Variants in IAH1 observed in about 807,000 individuals in gnomAD.
The protein encoded by IAH1 is isoamyl acetate-hydrolyzing esterase 1 homolog.
IAH1 carries 24 observed loss-of-function variants against 26.7 expected under a neutral mutation model. That is an observed-to-expected ratio of 0.90 (90% confidence interval 0.65 to 1.26). The LOEUF is 1.26. IAH1 is among the 50% of genes most tolerant of loss of function. The pLI, the probability that IAH1 is intolerant of heterozygous loss-of-function variation, is 0.00. For synonymous variants in IAH1, 140 were observed against 118.5 expected, an observed-to-expected ratio of 1.18 and a Z score of -1.18; for missense variants, 300 against 299.9, an observed-to-expected ratio of 1.00 and a Z score of 0.00.
intron 4 of IAH1, among the ~76,000 whole-genome samples, chr2:9,483,108 T>C (rs1000161658): frequency 1.3e-5 from 2 of 152,240 alleles, no homozygotes; most frequent in Non-Finnish European, 2.9e-5. Context: ...GAAAATAATA[T>C]ATATGAAATT....
At chr2:9,475,649 C>T (rs1389512659) in intron 1 of IAH1, 2 of 326,914 alleles carry the variant, frequency 6.1e-6, no homozygotes, top group South Asian at 3.1e-5. Context: ...TATAGACGTG[C>T]GCCACCACAC....
chr2:9,512,293 GT>G, the IAH1 span: 41 of 151,856 alleles, frequency 2.7e-4, no homozygotes, highest in African/African-American at 9.2e-4. Context: ...ATCAAATTTT[GT>G]TTTTTTGCTG....
At chr2:9,474,538 G>GGCCGC (rs1558471909), upstream of IAH1, 2 of 1,293,686 alleles carry the variant, frequency 1.5e-6, no homozygotes, top group African/African-American at 3.2e-5. The surrounding 1 kb of genome is among the most constrained non-coding windows in gnomAD (Gnocchi z 4.3). Flanking sequence ...CGTGGCTGGC[G>GGCCGC]GCCCCGCCCC....
At chr2:9,504,390 C>T in the IAH1 span, among the ~76,000 whole-genome samples, 10 of 148,256 alleles carry the variant, frequency 6.7e-5, no homozygotes, top group African/African-American at 2.5e-4. Context: ...GATTGCAGTG[C>T]GCTGAGATCG....
At chr2:9,490,405 T>G, downstream of IAH1, 1 of 1,614,154 alleles carries the variant, frequency 6.2e-7, no homozygotes, top group South Asian at 1.1e-5. Flanking sequence ...TTGGAGCTGC[T>G]GGCGCCGAAG....
In IAH1 at chr2:9,488,212, G is replaced by T; in HGVS notation, c.630G>T (p.Ser210=). Residue 210 remains serine (S), a synonymous_variant, in exon 6 of 6, where the codon TCG becomes TCT. Coordinates refer to ENST00000497473, the MANE Select transcript of IAH1 (RefSeq NM_001039613.3). ...CAAAGGGGAATGAATTTTTGTTCTC[G>T]CATCTCTGGCCTTTGATAGAGAAAA... is the stretch of plus-strand genomic sequence containing the variant. ...LSPKGNEFLF[S]HLWPLIEKKV... 1 of 1,613,140 alleles carries T rather than the reference G, an allele frequency of 6.2e-7. No individual in the cohort carries two copies.
chr2:9,474,540 C>T (rs746995527), upstream of IAH1: 1 of 1,377,058 alleles, frequency 7.3e-7, no homozygotes, highest in Non-Finnish European at 9.5e-7. This position sits in a 1 kb window ranked among gnomAD's most constrained non-coding sequence, Gnocchi z 4.3. Context: ...TGGCTGGCGG[C>T]CCCGCCCCGC....
At position 9,474,851 on chromosome 2, in the gene IAH1, C is replaced by G; in HGVS notation, c.81+204C>G. The G allele has an allele frequency of 2.0e-6, 1 of 512,606 alleles. No homozygotes were observed. Among genetic ancestry groups the G allele is most frequent in the Non-Finnish European group, 3.0e-6 (1 of 331,954 alleles). The allele number at this position is 512,606 out of a possible 1,614,324, so 31.8% of individuals were successfully genotyped here. A position where few individuals can be genotyped will look rare whatever the true frequency, so the allele number is the denominator to read the frequency against. ...CGCGGCGTCCCGGAGGTCACGACGG[C>G]GTCCGCGAGAGCCCGGGCTCCAGGC... On this transcript the variant is annotated intron_variant, in intron 1 of 5. Transcript: ENST00000497473. The surrounding 1 kb of genome is among the most constrained non-coding windows in gnomAD (Gnocchi z 4.3).
At chr2:9,504,572 C>T in the IAH1 span, among the ~76,000 whole-genome samples, 1 of 152,072 alleles carries the variant, frequency 6.6e-6, no homozygotes, top group Non-Finnish European at 1.5e-5. Flanking sequence ...GGAGACCATC[C>T]TGGCCACCGT....
downstream of IAH1, chr2:9,493,773 A>C: frequency 6.2e-7 from 1 of 1,614,106 alleles, no homozygotes; most frequent in Non-Finnish European, 8.5e-7. Context: ...CAGCTGGTCA[A>C]TGAAATCCCA....
chr2:9,487,942 T>G (rs1432262940), intron 5 of IAH1, among the ~76,000 whole-genome samples: 5 of 151,984 alleles, frequency 3.3e-5, no homozygotes, highest in Non-Finnish European at 7.4e-5. Context: ...TAAGTGATCC[T>G]CCCATCTTCG....
rs1051169398 is a variant in IAH1 at position 9,482,034 on chromosome 2, T to C, written c.445+587T>C. On this transcript the variant is annotated intron_variant, in intron 4 of 5. Transcript: ENST00000497473. ...AAAATGTGCATTATGGAAGTTCTCT[T>C]TTTTTTTTTTTTTTGGAGATAGAGT... Among the ~76,000 whole-genome samples the C allele has an allele frequency of 8.8e-5, 13 of 147,446 alleles. No individual in the cohort carries two copies. The South Asian group carries it at 2.1e-3, about 24-fold the overall frequency.
intron 4 of IAH1, among the ~76,000 whole-genome samples, chr2:9,483,919 G>A (rs1661330333): frequency 6.6e-6 from 1 of 152,232 alleles, no homozygotes; most frequent in Non-Finnish European, 1.5e-5. Flanking sequence ...CCGCTATTTA[G>A]TGAAAATTGT....
Position 9,474,943 on chromosome 2 carries a change from G to A in IAH1, c.81+296G>A. On this transcript the variant is annotated intron_variant, in intron 1 of 5. Coordinates refer to ENST00000497473, the MANE Select transcript of IAH1 (RefSeq NM_001039613.3). The surrounding 1 kb of genome is among the most constrained non-coding windows in gnomAD (Gnocchi z 4.3). ...GCCTCCCACCCGGGTCGAGATGCGCGGTCTTCCCCTCAGCGCCCTCCTGGG... is the reference window on the plus strand; with the variant it reads ...GCCTCCCACCCGGGTCGAGATGCGCAGTCTTCCCCTCAGCGCCCTCCTGGG... The A allele has an allele frequency of 1.1e-6, 1 of 921,590 alleles. No homozygotes were observed. Among genetic ancestry groups the A allele is most frequent in the Non-Finnish European group, 1.3e-6 (1 of 744,390 alleles). 57.1% of individuals were successfully genotyped at this position (921,590 alleles called of 1,614,324 possible).
At position 9,478,285 on chromosome 2, in the gene IAH1, TC is replaced by T. The variant is rs1558476081; in HGVS notation, c.200del (p.Pro67GlnfsTer3). The T allele has an allele frequency of 6.2e-7, 1 of 1,613,566 alleles. No individual in the cohort carries two copies. The highest frequency in any genetic ancestry group is 2.2e-5 in the East Asian group (1 of 44,842). ...ATACCAGGTGGGCCAAAATTATCCT[TC>T]CAAGATTAATCAGGAAAGGAAACAG... ...YNTRWAKIIL[P>X]RLIRKGNSLD... On this transcript the variant is annotated frameshift_variant, in exon 3 of 6. Transcript: ENST00000497473. LOFTEE classifies it high-confidence loss of function.
At chr2:9,494,649 A>G (rs762200753), downstream of IAH1, 119 of 1,613,942 alleles carry the variant, frequency 7.4e-5, no homozygotes, top group Non-Finnish European at 9.4e-5. Context: ...TCATGTCACA[A>G]AATCCTACTG....
intron 3 of IAH1, 44 bp from the exon 4 acceptor site, chr2:9,481,242 T>A: frequency 6.2e-7 from 1 of 1,600,644 alleles, no homozygotes; most frequent in Non-Finnish European, 8.5e-7. Flanking sequence ...TTGTCACTTA[T>A]AATAAATATG....
chr2:9,505,572 T>A, the IAH1 span: 1 of 581,310 alleles, frequency 1.7e-6, no homozygotes, highest in South Asian at 2.0e-5. Context: ...AAATGGCTGA[T>A]GTGAACTTGG....
chr2:9,492,784 A>T, downstream of IAH1: 1 of 811,106 alleles, frequency 1.2e-6, no homozygotes, highest in Non-Finnish European at 1.9e-6. Flanking sequence ...AAGCTATTGG[A>T]AATATCAGGC....
Sources: gnomAD v4.1 joint callset for allele counts (sites outside exome capture counted in the v4.1 genomes callset) on GRCh38, gnomAD v4.1.1 for gene constraint, Gnocchi (gnomAD v3.1) non-coding constraint, MANE v1.5 for transcripts, NCBI Gene and HGNC (gene_info 2026-07-23, HGNC 2026-07-21) for gene names.